The following CACNA1E variants were observed in gnomAD, a reference collection of about 807,000 sequenced individuals.
The protein encoded by CACNA1E is calcium voltage-gated channel subunit alpha1 E, also known as voltage-dependent R-type calcium channel subunit alpha-1E.
In CACNA1E, 40 loss-of-function variants were observed where a neutral mutation model predicts 259.2. That is an observed-to-expected ratio of 0.15 (90% CI 0.12 to 0.20). The LOEUF is 0.20. Ranked by LOEUF, CACNA1E falls within the 10% of genes least tolerant of loss-of-function variation. The pLI is 1.00. For synonymous variants in CACNA1E, 1,104 were observed against 1,138.5 expected (o/e 0.97, Z 0.61); for missense variants, 1,874 against 3,040.1 (o/e 0.62, Z 9.02).
chr1:181,642,150 C>A (rs1374380264), intron 6 of CACNA1E, among the ~76,000 whole-genome samples: 1 of 152,134 alleles, frequency 6.6e-6, no homozygotes, highest in South Asian at 2.1e-4. Context: ...GTTCTACTTC[C>A]GTACCCAATA....
intron 1 of CACNA1E, among the ~76,000 whole-genome samples, chr1:181,325,443 C>T (rs1017261432): frequency 2.6e-4 from 39 of 152,062 alleles, no homozygotes; most frequent in Non-Finnish European, 4.6e-4. Context: ...GTGTGGTTCC[C>T]GGACCAGCCA....
chr1:181,763,399 C>T lies in CACNA1E; in HGVS notation c.4690-7C>T. 1 of 1,571,026 alleles carries T rather than the reference C, an allele frequency of 6.4e-7. No individual in the cohort carries two copies. Among genetic ancestry groups the T allele is most frequent in the Non-Finnish European group, 8.7e-7 (1 of 1,152,858 alleles). ...TCCTAATTATATGTTTCCTTTTGGT[C>T]CACCAGCTGGTGAACACCAGTGGCT... On this transcript the variant is annotated splice_region_variant and splice_polypyrimidine_tract_variant and intron_variant, in intron 33 of 47. Transcript: ENST00000367573.
At chr1:181,471,633 T>C (rs1447840124) in intron 2 of CACNA1E, among the ~76,000 whole-genome samples, 8 of 152,186 alleles carry the variant, frequency 5.3e-5, no homozygotes, top group Admixed American at 2.0e-4. Context: ...TGTAATTAAT[T>C]TGAAGAAAAT....
chr1:181,785,507 G>A (rs1660777855), intron 42 of CACNA1E, 89 bp downstream of exon 42: 9 of 995,236 alleles, frequency 9.0e-6, no homozygotes, highest in Middle Eastern at 2.1e-4. Context: ...CATAGTGCCC[G>A]GCAAGGACTT....
At chr1:181,755,163 G>A (rs1657978726) in intron 27 of CACNA1E, 74 bp from the exon 28 acceptor site, 7 of 1,261,464 alleles carry the variant, frequency 5.5e-6, no homozygotes, top group Non-Finnish European at 6.7e-6. Context: ...TGGTGGTATG[G>A]CCCAGCTCGG....
At chr1:181,504,736 G>A (rs1267494452) in intron 1 of CACNA1E, among the ~76,000 whole-genome samples, 10 of 152,238 alleles carry the variant, frequency 6.6e-5, no homozygotes, top group East Asian at 5.8e-4. Context: ...TGCAGGCCAC[G>A]TCGTGCTGCT....
rs972657966 is a variant in CACNA1E, at chr1:181,483,899, T to C, written c.155T>C (p.Leu52Ser). Residue 52 changes from leucine to serine, a missense_variant, in exon 1 of 48, where the codon TTG becomes TCG. By Grantham distance (145) the Leu-to-Ser change is moderately radical. Transcript: ENST00000367573. ...TKAQRARTMA[L>S]YNPIPVRQNC... ...GCACAGAGGGCGCGGACTATGGCTT[T>C]GTACAACCCCATTCCCGTCCGGCAG... 4 of 1,613,638 alleles carry C rather than the reference T, an allele frequency of 2.5e-6. No individual in the cohort carries two copies. The highest frequency in any genetic ancestry group is 3.4e-6 in the Non-Finnish European group (4 of 1,179,852).
chr1:181,535,302 T>C (rs577858321), intron 3 of CACNA1E, among the ~76,000 whole-genome samples: 1 of 152,194 alleles, frequency 6.6e-6, no homozygotes, highest in African/African-American at 2.4e-5. Flanking sequence ...CCCTCCCCCA[T>C]TTGTCTTTAA....
intron 1 of CACNA1E, among the ~76,000 whole-genome samples, chr1:181,376,348 G>T (rs1463237362): frequency 2.6e-5 from 4 of 152,216 alleles, no homozygotes; most frequent in African/African-American, 9.7e-5. Context: ...TGGCGCAGAG[G>T]CAAGAAAGAA....
chr1:181,561,933 C>A (rs1251862999), intron 3 of CACNA1E, among the ~76,000 whole-genome samples: 1 of 152,032 alleles, frequency 6.6e-6, no homozygotes, highest in African/African-American at 2.4e-5. Context: ...TTGTTTTTAG[C>A]CTTCTAATAA....
intron 32 of CACNA1E, among the ~76,000 whole-genome samples, chr1:181,761,488 A>T (rs1252943558): frequency 1.3e-5 from 2 of 152,228 alleles, no homozygotes; most frequent in Non-Finnish European, 2.9e-5. Flanking sequence ...GGGTTGGAGT[A>T]TACTTCTGCA....
intron 2 of CACNA1E, among the ~76,000 whole-genome samples, chr1:181,460,860 T>G (rs955646283): frequency 2.0e-5 from 3 of 152,258 alleles, no homozygotes; most frequent in Non-Finnish European, 4.4e-5. Flanking sequence ...TTTCTAGGTA[T>G]GTGGCCTTTA....
intron 36 of CACNA1E, chr1:181,771,674 T>G: frequency 2.1e-6 from 1 of 482,292 alleles, no homozygotes; most frequent in East Asian, 3.3e-5. Flanking sequence ...TCAATGTCTT[T>G]GGCTCAGCAG....
chr1:181,375,857 G>T (rs1571704605), intron 1 of CACNA1E, among the ~76,000 whole-genome samples: 2 of 152,154 alleles, frequency 1.3e-5, no homozygotes, highest in South Asian at 4.1e-4. Context: ...TGCTGTACTT[G>T]CCCTGCTTAG....
At chr1:181,662,874 C>G (rs1647829516) in intron 7 of CACNA1E, among the ~76,000 whole-genome samples, 1 of 152,230 alleles carries the variant, frequency 6.6e-6, no homozygotes, top group African/African-American at 2.4e-5. Context: ...AGGCCATCAG[C>G]TTAGACACTC....
At chr1:181,429,952 G>T (rs1034710292) in intron 2 of CACNA1E, among the ~76,000 whole-genome samples, 1 of 152,232 alleles carries the variant, frequency 6.6e-6, no homozygotes, top group African/African-American at 2.4e-5. Flanking sequence ...GGTACCTTGT[G>T]CTCATGGGGC....
intron 7 of CACNA1E, among the ~76,000 whole-genome samples, chr1:181,705,925 G>T (rs1407241583): frequency 1.3e-5 from 2 of 152,080 alleles, no homozygotes; most frequent in East Asian, 1.9e-4. Context: ...AAATAGAATG[G>T]TGGTGTTTCT....
chr1:181,617,835 C>A (rs138114228), intron 6 of CACNA1E, among the ~76,000 whole-genome samples: 5 of 152,204 alleles, frequency 3.3e-5, no homozygotes, highest in Non-Finnish European at 7.3e-5. Context: ...AAAATGACTC[C>A]GTTGGATGTG....
At chr1:181,562,792 G>C (rs1649451528) in intron 3 of CACNA1E, among the ~76,000 whole-genome samples, 1 of 152,140 alleles carries the variant, frequency 6.6e-6, no homozygotes, top group South Asian at 2.1e-4. Flanking sequence ...ATGCCACTTA[G>C]TTTCCCTGTT....
Sources: allele counts gnomAD v4.1 joint callset (sites outside exome capture counted in the v4.1 genomes callset), GRCh38; gene constraint gnomAD v4.1.1; transcripts MANE v1.5; gene names NCBI Gene and HGNC (gene_info 2026-07-23, HGNC 2026-07-21).